The following NALCN variants were observed in gnomAD, a reference collection of about 807,000 sequenced individuals.
NALCN encodes the protein sodium leak channel, non-selective.
A neutral mutation model predicts 225.3 loss-of-function variants in NALCN; 111 were observed. The observed-to-expected ratio is 0.49, with a 90% CI of 0.42 to 0.58. The LOEUF (loss-of-function observed/expected upper bound fraction) is 0.58. Among genes scored for constraint, NALCN ranks in the 20% least tolerant of loss-of-function variants. The pLI, the probability that NALCN is intolerant of heterozygous loss-of-function variation, is 0.00. For synonymous variants in NALCN, 764 were observed against 769.0 expected (o/e 0.99, Z 0.11); for missense variants, 1,378 against 2,202.4 (o/e 0.63, Z 7.49).
chr13:101,090,282 CT>C (rs1282998003), intron 28 of NALCN, among the ~76,000 whole-genome samples: 1 of 152,132 alleles, frequency 6.6e-6, no homozygotes, highest in Admixed American at 6.5e-5. Flanking sequence ...TTGAGAGGTT[CT>C]GCAACATTTC....
chr13:101,116,736 G>A, intron 18 of NALCN: 1 of 366,246 alleles, frequency 2.7e-6, no homozygotes, highest in South Asian at 2.1e-5. Context: ...TTACATTTGA[G>A]GGATTTTGCT....
intron 7 of NALCN, among the ~76,000 whole-genome samples, chr13:101,330,255 G>A (rs966836755): frequency 4.6e-5 from 7 of 151,980 alleles, no homozygotes; most frequent in Admixed American, 1.3e-4. Context: ...ACTATCCAGC[G>A]GTCAGAGAGT....
intron 41 of NALCN, among the ~76,000 whole-genome samples, 183 bp downstream of exon 41, chr13:101,061,785 G>C (rs1251603034): frequency 2.0e-5 from 3 of 152,252 alleles, no homozygotes; most frequent in Non-Finnish European, 4.4e-5. Flanking sequence ...CTGTGGACTA[G>C]AGTGAAAGTC....
chr13:101,074,925 CT>C (rs1418939886), intron 35 of NALCN, among the ~76,000 whole-genome samples: 1 of 152,166 alleles, frequency 6.6e-6, no homozygotes, highest in Non-Finnish European at 1.5e-5. Flanking sequence ...ATTTCAGCCT[CT>C]TCACACAAAT....
rs759444960 is a variant in NALCN at position 101,059,950 on chromosome 13, G to A, written c.4773C>T (p.Cys1591=). 1.1e-5 allele frequency: 17 copies of A among 1,613,884 alleles called. No homozygotes were observed. The highest frequency in any genetic ancestry group is 6.7e-5 in the East Asian group (3 of 44,880). The stretch of plus-strand genomic sequence containing the variant: ...TCTCTCTCAGGCTGTGGATGATACT[G>A]CACGACTGCTGCTGTTTCTATGGAA... The part of the protein sequence containing the change: ...KRIRAKQQQS[C]SIIHSLRESQ... Residue 1591 remains cysteine, a synonymous_variant, in exon 42 of 44, where the codon TGC becomes TGT. Transcript: ENST00000251127.
chr13:101,291,906 G>A (rs147424889), intron 9 of NALCN, 84 bp downstream of exon 9: 62 of 1,359,728 alleles, frequency 4.6e-5, no homozygotes, highest in Non-Finnish European at 6.2e-5. Context: ...CATCATGCAA[G>A]AGCTTCCCCA....
chr13:101,193,346 G>A (rs1378294907), intron 13 of NALCN, among the ~76,000 whole-genome samples: 2 of 152,150 alleles, frequency 1.3e-5, no homozygotes, highest in African/African-American at 2.4e-5. Context: ...AGGCTGAGAA[G>A]CGACCTAACT....
chr13:101,120,216 G>T (rs1415911092), intron 18 of NALCN, among the ~76,000 whole-genome samples: 1 of 152,062 alleles, frequency 6.6e-6, no homozygotes, highest in African/African-American at 2.4e-5. Flanking sequence ...TTGGAAATGT[G>T]GGTCCCCCCT....
intron 9 of NALCN, among the ~76,000 whole-genome samples, chr13:101,285,361 G>A (rs968301600): frequency 8.6e-5 from 13 of 151,816 alleles, no homozygotes; most frequent in East Asian, 1.9e-4. Flanking sequence ...GTGTAGGGGC[G>A]TGATCTCCAC....
chr13:101,269,592 AT>A, intron 10 of NALCN, among the ~76,000 whole-genome samples: 1 of 152,318 alleles, frequency 6.6e-6, no homozygotes, highest in East Asian at 1.9e-4. Flanking sequence ...TTTGGCATGT[AT>A]TAATACAAAG....
chr13:101,402,552 T>C (rs1031865183), intron 1 of NALCN, among the ~76,000 whole-genome samples: 2 of 152,244 alleles, frequency 1.3e-5, no homozygotes, highest in East Asian at 3.8e-4. Context: ...TTCTTTCCCT[T>C]GCAGCTCTCT....
intron 12 of NALCN, among the ~76,000 whole-genome samples, chr13:101,232,539 G>C (rs954813894): frequency 6.6e-6 from 1 of 150,398 alleles, no homozygotes; most frequent in African/African-American, 2.4e-5. Flanking sequence ...TCCACCTCCC[G>C]GGTTCACACC....
chr13:101,133,299 A>G (rs1226310470), intron 17 of NALCN, among the ~76,000 whole-genome samples: 1 of 152,134 alleles, frequency 6.6e-6, no homozygotes, highest in East Asian at 1.9e-4. Context: ...TTAACAATAC[A>G]TTTCTGTTTC....
intron 6 of NALCN, among the ~76,000 whole-genome samples, chr13:101,362,184 A>T (rs2046269584): frequency 6.6e-6 from 1 of 152,020 alleles, no homozygotes; most frequent in Admixed American, 6.6e-5. Flanking sequence ...TAACATATAC[A>T]TAGGGATAGA....
intron 14 of NALCN, among the ~76,000 whole-genome samples, chr13:101,184,225 T>A (rs998044586): frequency 9.9e-5 from 15 of 152,160 alleles, no homozygotes; most frequent in African/African-American, 3.6e-4. Context: ...GTGTGGAAAA[T>A]GCCACATTAT....
At chr13:101,276,389 A>C (rs1195690956) in intron 10 of NALCN, among the ~76,000 whole-genome samples, 3 of 152,184 alleles carry the variant, frequency 2.0e-5, no homozygotes, top group Non-Finnish European at 4.4e-5. Flanking sequence ...ATTAACAAAA[A>C]ATTTTAACAA....
intron 6 of NALCN, among the ~76,000 whole-genome samples, chr13:101,370,854 A>T (rs758513565): frequency 3.2e-4 from 48 of 152,314 alleles, no homozygotes; most frequent in Non-Finnish European, 5.1e-4. Flanking sequence ...AAGATAATGA[A>T]CATGTCAATA....
intron 6 of NALCN, among the ~76,000 whole-genome samples, chr13:101,359,912 C>T (rs563268148): frequency 6.6e-5 from 10 of 152,098 alleles, no homozygotes; most frequent in Non-Finnish European, 1.5e-4. Flanking sequence ...GTTTATTGTA[C>T]ACATTAAGAT....
At chr13:101,390,669 A>G (rs1184256060) in intron 3 of NALCN, among the ~76,000 whole-genome samples, 1 of 139,874 alleles carries the variant, frequency 7.1e-6, no homozygotes, top group Non-Finnish European at 1.6e-5. Flanking sequence ...ACTTCGAGGG[A>G]AAAAAAAACA....
Sources: gnomAD v4.1 joint callset for allele counts (sites outside exome capture counted in the v4.1 genomes callset) on GRCh38, gnomAD v4.1.1 for gene constraint, MANE v1.5 for transcripts, NCBI Gene and HGNC (gene_info 2026-07-23, HGNC 2026-07-21) for gene names.